Variants in IMPG2 observed in about 807,000 individuals in gnomAD.
The protein encoded by IMPG2 is IPM 200.
In IMPG2, 91 loss-of-function variants were observed where a neutral mutation model predicts 129.2. The ratio of observed to expected loss-of-function variants is 0.70; its 90% CI spans 0.59 to 0.84. The LOEUF (loss-of-function observed/expected upper bound fraction) is 0.84, where lower values mean the gene tolerates loss of function less well. IMPG2 is among the 40% of genes least tolerant of loss of function. The probability of loss-of-function intolerance (pLI) is 0.00; values close to 1 mark genes in which losing one functional copy is unlikely to be tolerated. For synonymous variants in IMPG2, 510 were observed against 517.7 expected, an observed-to-expected ratio of 0.99 and a Z score of 0.20; for missense variants, 1,430 against 1,461.7, an observed-to-expected ratio of 0.98 and a Z score of 0.35.
At chr3:101,298,068 G>T (rs1370797624) in intron 3 of IMPG2, among the ~76,000 whole-genome samples, 1 of 152,196 alleles carries the variant, frequency 6.6e-6, no homozygotes, top group Non-Finnish European at 1.5e-5. Context: ...CTTGTTTTAT[G>T]AATCTGAGTG....
chr3:101,229,618 C>A (rs779730196), intron 16 of IMPG2, 28 bp from the exon 17 acceptor site: 5 of 1,593,758 alleles, frequency 3.1e-6, no homozygotes, highest in Non-Finnish European at 4.3e-6. Flanking sequence ...TGGATTCAGG[C>A]TCTTGTTTGG....
In IMPG2 at chr3:101,232,977, G is replaced by A. The variant is rs1706307013; in HGVS notation, c.3037C>T (p.Pro1013Ser). The change falls in exon 15 of 19, where the codon CCT becomes TCT. Residue 1013 changes from proline to serine, a missense_variant. Physicochemically the swap from Pro to Ser is moderately conservative, Grantham distance 74. Coordinates refer to ENST00000193391, the MANE Select transcript of IMPG2 (RefSeq NM_016247.4). ...TCATTACAGGCCTGAAACTTGCAAG[G>A]GTTGGCTTCATCACCTAAAACATTA... ...LDVESGDEAN[P>S]CKFQACNEFS... 1 of 1,613,882 alleles carries A rather than the reference G, an allele frequency of 6.2e-7. No individual in the cohort carries two copies. Among genetic ancestry groups the A allele is most frequent in the African/African-American group, 1.3e-5 (1 of 74,976 alleles).
At chr3:101,274,597 A>G (rs1706821931) in intron 6 of IMPG2, among the ~76,000 whole-genome samples, 1 of 152,164 alleles carries the variant, frequency 6.6e-6, no homozygotes, top group Non-Finnish European at 1.5e-5. Flanking sequence ...TTTGTTAGGT[A>G]TCTCTATATT....
intron 9 of IMPG2, among the ~76,000 whole-genome samples, chr3:101,259,712 T>C (rs1352362684): frequency 6.6e-6 from 1 of 152,100 alleles, no homozygotes; most frequent in Non-Finnish European, 1.5e-5. Context: ...CTAATTTATG[T>C]TACTAGTTAG....
Position 101,226,752 on chromosome 3 carries a change from C to T in IMPG2, c.*217G>A. The T allele has an allele frequency of 1.8e-6, 1 of 541,686 alleles. No homozygotes were observed. Among genetic ancestry groups the T allele is most frequent in the South Asian group, 2.8e-5 (1 of 36,174 alleles). 33.6% of individuals were successfully genotyped at this position (541,686 alleles called of 1,614,324 possible). The stretch of plus-strand genomic sequence containing the variant: ...TTACGTAGTTTTCAATTTATTTAAA[C>T]ACAGCATTCAGTCTTTATAGAAATA... On this transcript the variant is annotated 3_prime_UTR_variant, in exon 19 of 19. Transcript: ENST00000193391.
chr3:101,267,636 G>T, intron 8 of IMPG2, 105 bp from the exon 9 acceptor site: 1 of 953,788 alleles, frequency 1.0e-6, no homozygotes, highest in Non-Finnish European at 1.7e-6. Flanking sequence ...GAATTTCTTT[G>T]AAATGCTTCC....
At chr3:101,297,067 G>A (rs565144731) in intron 3 of IMPG2, among the ~76,000 whole-genome samples, 3 of 152,196 alleles carry the variant, frequency 2.0e-5, no homozygotes, top group Admixed American at 6.5e-5. Flanking sequence ...CAGCCACCAC[G>A]CCTGGCTAAT....
At chr3:101,306,168 T>G (rs1707187297) in intron 2 of IMPG2, among the ~76,000 whole-genome samples, 1 of 152,226 alleles carries the variant, frequency 6.6e-6, no homozygotes, top group Non-Finnish European at 1.5e-5. Flanking sequence ...AAATAATTAC[T>G]GCCTTATTAT....
At chr3:101,309,418 T>C (rs1175098861) in intron 2 of IMPG2, among the ~76,000 whole-genome samples, 2 of 152,124 alleles carry the variant, frequency 1.3e-5, no homozygotes, top group Non-Finnish European at 2.9e-5. Flanking sequence ...CTTACAATCA[T>C]GGTGGAAGGG....
At chr3:101,277,231 G>C (rs1366924377) in intron 4 of IMPG2, among the ~76,000 whole-genome samples, 1 of 152,208 alleles carries the variant, frequency 6.6e-6, no homozygotes, top group Non-Finnish European at 1.5e-5. Context: ...CAGATGTTCT[G>C]TTGAACAGGA....
rs1451982555 is a variant in IMPG2 at position 101,304,143 on chromosome 3, T to C, written c.501+3A>G. The stretch of plus-strand genomic sequence containing the variant: ...GAATCCCTTCCTTTGTTGTGACACT[T>C]ACCTTCATGATTAAGCTTCTATGTT... On this transcript the variant is annotated splice_donor_region_variant and intron_variant, in intron 3 of 18. Transcript: ENST00000193391. 2.5e-6 allele frequency: 4 copies of C among 1,613,684 alleles called. No individual in the cohort carries two copies. Among genetic ancestry groups the C allele is most frequent in the Non-Finnish European group, 3.4e-6 (4 of 1,179,606 alleles).
intron 9 of IMPG2, among the ~76,000 whole-genome samples, chr3:101,260,031 T>C (rs907514559): frequency 2.6e-5 from 4 of 152,128 alleles, no homozygotes; most frequent in Non-Finnish European, 5.9e-5. Flanking sequence ...TTGGTAAGCA[T>C]GAATCGTCTC....
chr3:101,320,481 G>A lies in IMPG2; in HGVS notation c.-109C>T, dbSNP rs1020396601. Reference sequence around the variant, plus strand: ...TATAGGAAAGACCTAACATTTAAAAGTCTATGTTTGAGAATGAACAACCAC... The same window carrying A: ...TATAGGAAAGACCTAACATTTAAAAATCTATGTTTGAGAATGAACAACCAC... On this transcript the variant is annotated 5_prime_UTR_variant, in exon 1 of 19. Transcript: ENST00000193391. The A allele has an allele frequency of 1.4e-6, 1 of 720,608 alleles. No individual in the cohort carries two copies. The highest frequency in any genetic ancestry group is 1.8e-5 in the African/African-American group (1 of 56,052). 44.6% of individuals were successfully genotyped at this position (720,608 alleles called of 1,614,324 possible). A position where few individuals can be genotyped will look rare whatever the true frequency, so the allele number is the denominator to read the frequency against.
At chr3:101,228,985 A>G (rs530715932) in intron 17 of IMPG2, 109 bp from the exon 18 acceptor site, 97 of 814,376 alleles carry the variant, frequency 1.2e-4, no homozygotes, top group Non-Finnish European at 2.0e-4. Flanking sequence ...TGGGCTATTC[A>G]GAAGTATGCT....
intron 10 of IMPG2, among the ~76,000 whole-genome samples, chr3:101,256,145 A>AAAG (rs1553682271): frequency 1.1e-3 from 89 of 77,548 alleles, no homozygotes; most frequent in African/African-American, 3.8e-3. Flanking sequence ...AGAAAGAAAG[A>AAAG]AAAGAAAGAA....
chr3:101,247,004 A>G (rs1706486433), intron 11 of IMPG2, among the ~76,000 whole-genome samples: 1 of 152,048 alleles, frequency 6.6e-6, no homozygotes, highest in African/African-American at 2.4e-5. Context: ...ACTGAGGGAG[A>G]AGGATCACTT....
At chr3:101,273,851 G>A (rs1474823427) in intron 6 of IMPG2, 109 bp from the exon 7 acceptor site, 2 of 1,058,638 alleles carry the variant, frequency 1.9e-6, no homozygotes, top group Non-Finnish European at 2.8e-6. Flanking sequence ...AGCTTCTGAA[G>A]ATAATCTTAT....
At chr3:101,286,948 A>C (rs1210444477) in intron 4 of IMPG2, among the ~76,000 whole-genome samples, 1 of 152,162 alleles carries the variant, frequency 6.6e-6, no homozygotes, top group Non-Finnish European at 1.5e-5. Flanking sequence ...TCCTTCTCTA[A>C]TCACCTCCTA....
intron 11 of IMPG2, among the ~76,000 whole-genome samples, chr3:101,248,784 G>A (rs1173241432): frequency 6.6e-6 from 1 of 152,088 alleles, no homozygotes; most frequent in African/African-American, 2.4e-5. Context: ...TTCCTGCCTT[G>A]TCCATGTTGT....
Sources: gnomAD v4.1 joint callset for allele counts (sites outside exome capture counted in the v4.1 genomes callset) on GRCh38, gnomAD v4.1.1 for gene constraint, MANE v1.5 for transcripts, NCBI Gene and HGNC (gene_info 2026-07-23, HGNC 2026-07-21) for gene names.